DAB1: variants seen among roughly 807,000 people sequenced by gnomAD.
The protein encoded by DAB1 is disabled homolog 1.
A neutral mutation model predicts 64.6 loss-of-function variants in DAB1; 15 were observed. That is an observed-to-expected ratio of 0.23 (90% CI 0.16 to 0.36). DAB1 has a LOEUF of 0.36. Ranked by LOEUF, DAB1 falls within the 10% of genes least tolerant of loss-of-function variation. The pLI, the probability that DAB1 is intolerant of heterozygous loss-of-function variation, is 1.00. For missense variants in DAB1, 596 were observed against 706.7 expected, an observed-to-expected ratio of 0.84 and a Z score of 1.78; for synonymous variants, 235 against 251.9, an observed-to-expected ratio of 0.93 and a Z score of 0.64.
chr1:58,397,091 AAG>A (rs1347247006), intron 3 of DAB1, among the ~76,000 whole-genome samples: 5 of 151,910 alleles, frequency 3.3e-5, no homozygotes, highest in African/African-American at 1.2e-4. Context: ...AGAAAAGAAA[AAG>A]AAACAGAGAG....
chr1:58,410,285 A>C (rs1644656072), intron 3 of DAB1, among the ~76,000 whole-genome samples: 1 of 152,130 alleles, frequency 6.6e-6, no homozygotes, highest in Non-Finnish European at 1.5e-5. Context: ...TTTTTCCATA[A>C]ATCACTTCCA....
rs185738840 is a variant in DAB1 at position 57,731,384 on chromosome 1, T to C, written n.552-81719A>G. Among the ~76,000 whole-genome samples the C allele has an allele frequency of 6.4e-3, 977 of 152,308 alleles. 9 individuals carry two copies. Among genetic ancestry groups the C allele is most frequent in the African/African-American group, 0.022 (929 of 41,564 alleles). On this transcript the variant is annotated intron_variant and non_coding_transcript_variant, in intron 6 of 20. Coordinates refer to the DAB1 transcript ENST00000485760. The stretch of plus-strand genomic sequence containing the variant: ...CAGTTAGGGAAGATGAAAAATGTTC[T>C]GGAGTTGGAAGGTGGTGATGGTCAC...
intron 3 of DAB1, among the ~76,000 whole-genome samples, chr1:58,436,476 T>A (rs1644945640): frequency 6.6e-6 from 1 of 152,170 alleles, no homozygotes; most frequent in Admixed American, 6.5e-5. Context: ...ACCATATTCT[T>A]AGTGCATTGA....
intron 2 of DAB1, among the ~76,000 whole-genome samples, chr1:57,261,233 C>T (rs1670159346): frequency 6.6e-6 from 1 of 152,136 alleles, no homozygotes; most frequent in Non-Finnish European, 1.5e-5. Flanking sequence ...GACCAGTCTT[C>T]ACTGAAAATC....
intron 9 of DAB1, among the ~76,000 whole-genome samples, chr1:57,053,508 C>T (rs1042194187): frequency 1.3e-5 from 2 of 151,352 alleles, no homozygotes; most frequent in Admixed American, 1.3e-4. Context: ...TCCACCTCCA[C>T]CTCCCAAAAC....
intron 7 of DAB1, among the ~76,000 whole-genome samples, chr1:57,572,140 C>G (rs568533321): frequency 3.2e-4 from 48 of 152,256 alleles, no homozygotes; most frequent in African/African-American, 1.1e-3. Context: ...AAAGCCTGAA[C>G]CTGCAGATGG....
rs781069654 is a variant in DAB1 at position 58,506,135 on chromosome 1, G to C, written n.182C>G. On this transcript the variant is annotated non_coding_transcript_exon_variant, in exon 3 of 21. Coordinates refer to the DAB1 transcript ENST00000485760. ...GTGTAGATAACCATTCTGGCATCTT[G>C]GGTTGGCCATGCAGGCTATCAACGA... The C allele has an allele frequency of 4.6e-6, 4 of 871,852 alleles. No individual in the cohort carries two copies. In the South Asian group the frequency reaches 5.2e-5, roughly 11 times the overall value. The allele number at this position is 871,852 out of a possible 1,614,324, so 54.0% of individuals were successfully genotyped here. A position where few individuals can be genotyped will look rare whatever the true frequency, so the allele number is the denominator to read the frequency against.
intron 3 of DAB1, among the ~76,000 whole-genome samples, chr1:58,353,092 C>G (rs1251804983): frequency 6.6e-6 from 1 of 152,094 alleles, no homozygotes; most frequent in African/African-American, 2.4e-5. Flanking sequence ...GAACCTCCAC[C>G]AAGAAACCCT....
At chr1:58,026,334 C>T (rs189880823) in intron 5 of DAB1, among the ~76,000 whole-genome samples, 2 of 152,254 alleles carry the variant, frequency 1.3e-5, no homozygotes, top group African/African-American at 2.4e-5. Flanking sequence ...AGGTTTCAAT[C>T]TAGGCTCCAT....
At chr1:57,634,718 C>T (rs796319832) in intron 7 of DAB1, among the ~76,000 whole-genome samples, 10 of 152,148 alleles carry the variant, frequency 6.6e-5, no homozygotes, top group African/African-American at 2.2e-4. Flanking sequence ...TCCTTGTAAA[C>T]AAAAAGGTAT....
At chr1:58,166,991 C>T (rs766542840) in intron 4 of DAB1, among the ~76,000 whole-genome samples, 53 of 151,202 alleles carry the variant, frequency 3.5e-4, no homozygotes, top group Admixed American at 4.0e-4. Context: ...AAGAAATCCA[C>T]GCACCTTGGC....
At chr1:57,609,313 T>C (rs867454865) in intron 7 of DAB1, among the ~76,000 whole-genome samples, 4 of 152,258 alleles carry the variant, frequency 2.6e-5, no homozygotes, top group African/African-American at 7.2e-5. Context: ...TATTATTCCC[T>C]AAGCAATATA....
At chr1:58,500,937 CAAATT>C (rs1392332692) in intron 3 of DAB1, among the ~76,000 whole-genome samples, 3 of 152,128 alleles carry the variant, frequency 2.0e-5, no homozygotes, top group Non-Finnish European at 4.4e-5. Context: ...CTTTCAACGA[CAAATT>C]ATAATATACA....
chr1:57,397,565 G>C (rs941739581), intron 1 of DAB1, among the ~76,000 whole-genome samples: 12 of 152,190 alleles, frequency 7.9e-5, no homozygotes, highest in Admixed American at 7.9e-4. Context: ...AGTCAGAAAA[G>C]AGAGTGCACG....
intron 5 of DAB1, among the ~76,000 whole-genome samples, chr1:58,124,898 T>A (rs1290914943): frequency 6.6e-6 from 1 of 152,156 alleles, no homozygotes; most frequent in Non-Finnish European, 1.5e-5. Flanking sequence ...AGAAAGAGCA[T>A]GGTAACTGCT....
chr1:57,916,391 C>T (rs541154157), intron 5 of DAB1, among the ~76,000 whole-genome samples: 1 of 152,326 alleles, frequency 6.6e-6, no homozygotes, highest in South Asian at 2.1e-4. Context: ...ACTCCGATTT[C>T]TTCATGTTCA....
intron 12 of DAB1, 128 bp from the exon 13 acceptor site, chr1:57,011,400 A>T: frequency 9.1e-7 from 1 of 1,100,160 alleles, no homozygotes; most frequent in Non-Finnish European, 1.3e-6. Flanking sequence ...TTTCCAGTGG[A>T]ATCAGTTGAA....
chr1:57,505,769 C>T (rs912109352), intron 7 of DAB1, among the ~76,000 whole-genome samples: 1 of 152,140 alleles, frequency 6.6e-6, no homozygotes, highest in African/African-American at 2.4e-5. Context: ...CTCCTGGGCT[C>T]AGGCAAACCT....
intron 7 of DAB1, among the ~76,000 whole-genome samples, chr1:57,592,555 T>G (rs371415280): frequency 6.6e-6 from 1 of 152,084 alleles, no homozygotes; most frequent in South Asian, 2.1e-4. Context: ...TCATAGACAA[T>G]AGAAAACCAA....
Sources: allele counts gnomAD v4.1 joint callset (sites outside exome capture counted in the v4.1 genomes callset), GRCh38; gene constraint gnomAD v4.1.1; transcripts MANE v1.5; gene names NCBI Gene and HGNC (gene_info 2026-07-23, HGNC 2026-07-21).